The following ME3 variants were observed in gnomAD, a reference collection of about 807,000 sequenced individuals.
ME3 encodes NADP-dependent malic enzyme, mitochondrial.
A neutral mutation model predicts 68.9 loss-of-function variants in ME3; 48 were observed. The ratio of observed to expected loss-of-function variants is 0.70; its 90% CI spans 0.55 to 0.89. The LOEUF (loss-of-function observed/expected upper bound fraction) is 0.89, where lower values mean the gene tolerates loss of function less well. ME3 is among the 40% of genes least tolerant of loss of function. The pLI is 0.00. For missense variants in ME3, 675 were observed against 797.4 expected, an observed-to-expected ratio of 0.85 and a Z score of 1.85; for synonymous variants, 320 against 318.8, an observed-to-expected ratio of 1.00 and a Z score of -0.04.
At chr11:86,550,240 A>G (rs751372280) in intron 4 of ME3, among the ~76,000 whole-genome samples, 1 of 152,164 alleles carries the variant, frequency 6.6e-6, no homozygotes, top group Non-Finnish European at 1.5e-5. Context: ...ATTACCATGG[A>G]TCACTTAAAA....
intron 4 of ME3, among the ~76,000 whole-genome samples, chr11:86,521,481 T>C (rs1023733787): frequency 1.1e-4 from 17 of 149,042 alleles, no homozygotes; most frequent in African/African-American, 4.2e-4. Flanking sequence ...TCATTAAATC[T>C]ATCTCACTAA....
chr11:86,534,087 A>G (rs1349216929), intron 4 of ME3, among the ~76,000 whole-genome samples: 5 of 17,516 alleles, frequency 2.9e-4, no homozygotes, highest in African/African-American at 6.7e-4. Flanking sequence ...GTGTGTATAT[A>G]TATATATATA....
intron 4 of ME3, 101 bp from the exon 5 acceptor site, chr11:86,508,968 A>G: frequency 2.1e-6 from 2 of 968,980 alleles, no homozygotes; most frequent in East Asian, 2.5e-5. Flanking sequence ...AAATTTGCCC[A>G]TAGACCTGGG....
intron 2 of ME3, among the ~76,000 whole-genome samples, chr11:86,578,279 A>C (rs560195869): frequency 6.6e-6 from 1 of 152,162 alleles, no homozygotes; most frequent in African/African-American, 2.4e-5. Context: ...AAGTAATAGC[A>C]GAGGAAGGTT....
intron 4 of ME3, among the ~76,000 whole-genome samples, chr11:86,533,712 T>G (rs929556590): frequency 6.6e-6 from 1 of 152,172 alleles, no homozygotes; most frequent in Admixed American, 6.5e-5. Context: ...GCTAATATCC[T>G]TGATGAACAC....
intron 4 of ME3, among the ~76,000 whole-genome samples, chr11:86,550,622 G>A (rs1002932222): frequency 2.6e-5 from 4 of 152,234 alleles, no homozygotes; most frequent in Admixed American, 6.5e-5. Context: ...CTTGGCCAAA[G>A]GAATCAGTGC....
At chr11:86,480,230 T>G (rs1951322080) in intron 7 of ME3, among the ~76,000 whole-genome samples, 1 of 152,256 alleles carries the variant, frequency 6.6e-6, no homozygotes, top group South Asian at 2.1e-4. Context: ...CATGCTTTGT[T>G]AGTGCTGCTT....
In ME3 at chr11:86,450,440, G is replaced by A. The variant is rs371278154; in HGVS notation, c.920-42C>T. 33 of 1,537,366 alleles carry A rather than the reference G, an allele frequency of 2.1e-5. No homozygotes were observed. The African/African-American group carries it at 2.5e-4, about 11-fold the overall frequency. ...TGAGATCAACCTCTGGCCACAGGCC[G>A]CCAGCTCCCAAGAGAAGACCCTTGG... is the stretch of plus-strand genomic sequence containing the variant. On this transcript the variant is annotated intron_variant, in intron 8 of 14. Transcript: ENST00000543262.
At chr11:86,522,811 G>GTAA (rs1235456718) in intron 4 of ME3, among the ~76,000 whole-genome samples, 1 of 152,080 alleles carries the variant, frequency 6.6e-6, no homozygotes, top group Non-Finnish European at 1.5e-5. Flanking sequence ...TCCAAGTCTT[G>GTAA]TAACAACTAT....
chr11:86,581,331 T>C (rs1185080621), intron 2 of ME3, among the ~76,000 whole-genome samples: 14 of 152,208 alleles, frequency 9.2e-5, no homozygotes, highest in Non-Finnish European at 1.3e-4. Context: ...TGAGGAATAC[T>C]GTAGCATAGG....
intron 2 of ME3, among the ~76,000 whole-genome samples, chr11:86,593,973 G>A (rs1959176399): frequency 6.8e-6 from 1 of 146,150 alleles, no homozygotes; most frequent in Non-Finnish European, 1.5e-5. Context: ...AACTATAAGT[G>A]TACTTAAGAG....
chr11:86,446,245 C>T (rs1949278910), intron 13 of ME3, 69 bp downstream of exon 13: 8 of 1,544,170 alleles, frequency 5.2e-6, no homozygotes, highest in African/African-American at 1.4e-5. Context: ...TAAGAGAGAT[C>T]TGGTATAGGA....
At chr11:86,534,217 C>G (rs1165045713) in intron 4 of ME3, among the ~76,000 whole-genome samples, 1 of 151,768 alleles carries the variant, frequency 6.6e-6, no homozygotes, top group South Asian at 2.1e-4. Context: ...TGACCCAGGA[C>G]ATTACTGTAT....
intron 4 of ME3, among the ~76,000 whole-genome samples, chr11:86,540,150 A>G (rs1393761872): frequency 6.6e-6 from 1 of 152,256 alleles, no homozygotes; most frequent in Non-Finnish European, 1.5e-5. Flanking sequence ...CCTGTGGAAC[A>G]CAGGCCATAC....
At chr11:86,609,164 T>A (rs1357545998) in intron 2 of ME3, among the ~76,000 whole-genome samples, 2 of 152,198 alleles carry the variant, frequency 1.3e-5, no homozygotes, top group African/African-American at 4.8e-5. Context: ...CTCAGGTTTA[T>A]TCTCTTAAAC....
intron 4 of ME3, among the ~76,000 whole-genome samples, chr11:86,538,344 G>T (rs142419808): frequency 7.2e-5 from 11 of 152,224 alleles, no homozygotes; most frequent in Admixed American, 1.3e-4. Flanking sequence ...GCTTGTCTAA[G>T]GACAATAATG....
chr11:86,455,208 G>T (rs1209080800), intron 8 of ME3, among the ~76,000 whole-genome samples: 2 of 133,756 alleles, frequency 1.5e-5, no homozygotes, highest in East Asian at 2.6e-4. Context: ...AAAGTGACAG[G>T]CACCATGCTA....
rs1004052162 is a variant in ME3 at position 86,648,829 on chromosome 11, T to C, written c.183+22933A>G. Among the ~76,000 whole-genome samples, 6 of 152,082 alleles carry C rather than the reference T, an allele frequency of 3.9e-5. 1 individual carries two copies. Among genetic ancestry groups the C allele is most frequent in the Admixed American group, 2.6e-4 (4 of 15,280 alleles). On this transcript the variant is annotated intron_variant, in intron 2 of 14. Transcript: ENST00000543262. ...GTTCTGAAATTGAGGCAGTAATTAATAGCCTACCAACCAAAAAAGCCCAGG... is the reference window on the plus strand; with the variant it reads ...GTTCTGAAATTGAGGCAGTAATTAACAGCCTACCAACCAAAAAAGCCCAGG...
At chr11:86,579,747 G>A (rs1958327427) in intron 2 of ME3, among the ~76,000 whole-genome samples, 1 of 152,094 alleles carries the variant, frequency 6.6e-6, no homozygotes, top group Admixed American at 6.6e-5. Context: ...CACTTATTTG[G>A]AATTTAAGGA....
Sources: gnomAD v4.1 joint callset for allele counts (sites outside exome capture counted in the v4.1 genomes callset) on GRCh38, gnomAD v4.1.1 for gene constraint, MANE v1.5 for transcripts, NCBI Gene and HGNC (gene_info 2026-07-23, HGNC 2026-07-21) for gene names.